The following SORCS1 variants were observed in gnomAD, a reference collection of about 807,000 sequenced individuals.
SORCS1 encodes the protein sortilin related VPS10 domain containing receptor 1.
In SORCS1, 60 loss-of-function variants were observed where a neutral mutation model predicts 146.1. The ratio of observed to expected loss-of-function variants is 0.41; its 90% CI spans 0.33 to 0.51. The LOEUF is 0.51. SORCS1 is among the 20% of genes least tolerant of loss of function. SORCS1 has a pLI of 0.21. For missense variants in SORCS1, 1,352 were observed against 1,487.6 expected (o/e 0.91, Z 1.50); for synonymous variants, 637 against 584.0 (o/e 1.09, Z -1.31).
chr10:106,839,374 TACA>T (rs1367182022), intron 2 of SORCS1, among the ~76,000 whole-genome samples: 2 of 152,192 alleles, frequency 1.3e-5, no homozygotes, highest in Non-Finnish European at 2.9e-5. Flanking sequence ...TCAAACCAGC[TACA>T]ACATTTCCTT....
intron 1 of SORCS1, among the ~76,000 whole-genome samples, chr10:107,041,475 G>A (rs1324936053): frequency 1.3e-5 from 2 of 152,008 alleles, no homozygotes; most frequent in Non-Finnish European, 2.9e-5. Context: ...ATCCAAGGGG[G>A]CCTGAAGCTA....
chr10:106,647,376 C>T (rs1413539541), intron 18 of SORCS1, among the ~76,000 whole-genome samples: 3 of 72,832 alleles, frequency 4.1e-5, no homozygotes, highest in Non-Finnish European at 1.0e-4. Context: ...TATTTTGATG[C>T]TATTATAAAT....
intron 1 of SORCS1, among the ~76,000 whole-genome samples, chr10:107,001,208 T>A (rs1174064536): frequency 6.6e-6 from 1 of 152,146 alleles, no homozygotes. Context: ...GAATTTAAGA[T>A]GTGTGACAGG....
At chr10:106,921,576 A>G (rs1042029353) in intron 2 of SORCS1, among the ~76,000 whole-genome samples, 1 of 152,218 alleles carries the variant, frequency 6.6e-6, no homozygotes, top group African/African-American at 2.4e-5. Flanking sequence ...AACAAATGTT[A>G]TTAAAAAGAA....
rs1473682426 is a variant in SORCS1 at position 106,576,567 on chromosome 10, C to T, written c.*853G>A. On this transcript the variant is annotated 3_prime_UTR_variant, in exon 26 of 26. Coordinates refer to ENST00000263054, the MANE Select transcript of SORCS1 (RefSeq NM_052918.5). Reference sequence around the variant, plus strand: ...GGCAATCATGGTGGAAAGAGGTGAACAGGAAACCAAGGTCCGTTTCTGACA... The same window carrying T: ...GGCAATCATGGTGGAAAGAGGTGAATAGGAAACCAAGGTCCGTTTCTGACA... 3 of 152,118 alleles carry T rather than the reference C, an allele frequency of 2.0e-5. No individual in the cohort carries two copies. The highest frequency in any genetic ancestry group is 6.6e-5 in the Admixed American group (1 of 15,266). The allele number at this position is 152,118 out of a possible 1,614,324, so 9.4% of individuals were successfully genotyped here. A position where few individuals can be genotyped will look rare whatever the true frequency, so the allele number is the denominator to read the frequency against.
chr10:106,876,664 A>T (rs1950598576), intron 2 of SORCS1, among the ~76,000 whole-genome samples: 1 of 152,228 alleles, frequency 6.6e-6, no homozygotes, highest in Non-Finnish European at 1.5e-5. Context: ...AGAGTCCATG[A>T]GCCTAATTTT....
chr10:107,149,681 A>G (rs1968613018), intron 1 of SORCS1, among the ~76,000 whole-genome samples: 1 of 152,214 alleles, frequency 6.6e-6, no homozygotes, highest in Non-Finnish European at 1.5e-5. Flanking sequence ...TTTATCTCTG[A>G]GAAAATCAGA....
chr10:106,892,087 G>C (rs1951259492), intron 2 of SORCS1, among the ~76,000 whole-genome samples: 1 of 152,180 alleles, frequency 6.6e-6, no homozygotes, highest in African/African-American at 2.4e-5. Flanking sequence ...ATGTCTCAGA[G>C]CAAAGGTTCC....
At chr10:106,716,837 AT>A (rs1326076061) in intron 6 of SORCS1, among the ~76,000 whole-genome samples, 4 of 152,130 alleles carry the variant, frequency 2.6e-5, no homozygotes, top group Middle Eastern at 3.4e-3. Context: ...TCTCTCTTAA[AT>A]TTTGCTTAAA....
intron 24 of SORCS1, among the ~76,000 whole-genome samples, chr10:106,585,327 C>T (rs941433943): frequency 2.0e-5 from 3 of 152,100 alleles, no homozygotes; most frequent in Non-Finnish European, 4.4e-5. Context: ...GAGAATACCG[C>T]ATAGCAGGCC....
intron 2 of SORCS1, among the ~76,000 whole-genome samples, chr10:106,887,735 T>C (rs1443933844): frequency 6.6e-6 from 1 of 152,232 alleles, no homozygotes. Flanking sequence ...TAAAAGGATC[T>C]AGTATTGAAG....
chr10:106,795,791 T>C (rs2136573805), intron 3 of SORCS1, among the ~76,000 whole-genome samples: 1 of 152,294 alleles, frequency 6.6e-6, no homozygotes, highest in Non-Finnish European at 1.5e-5. Context: ...TGGGTCAACC[T>C]CTAAGAGACA....
intron 1 of SORCS1, among the ~76,000 whole-genome samples, chr10:107,143,543 A>G (rs1487373785): frequency 6.6e-6 from 1 of 151,676 alleles, no homozygotes; most frequent in Non-Finnish European, 1.5e-5. Flanking sequence ...TCCCTCTGTC[A>G]CCCAGGCTGG....
intron 2 of SORCS1, among the ~76,000 whole-genome samples, chr10:106,915,709 G>T (rs1952387674): frequency 6.6e-6 from 1 of 152,180 alleles, no homozygotes; most frequent in African/African-American, 2.4e-5. Flanking sequence ...GAAAACTGAG[G>T]TTGTGTGGCT....
chr10:107,137,346 G>A (rs1007672396), intron 1 of SORCS1, among the ~76,000 whole-genome samples: 10 of 152,124 alleles, frequency 6.6e-5, no homozygotes, highest in African/African-American at 2.4e-4. Context: ...TGTCCTGGAT[G>A]TCAGCATATA....
At position 107,060,001 on chromosome 10, in the gene SORCS1, G is replaced by T. The variant is rs749721282; in HGVS notation, c.559-103421C>A. On this transcript the variant is annotated intron_variant, in intron 1 of 25. Transcript: ENST00000263054. The surrounding 1 kb of genome is among the most constrained non-coding windows in gnomAD (Gnocchi z 4.1). ...AGATTTGATTATTATGAGGGTCAAA[G>T]AATGCTTCTGACAGATGACACAGTG... is the stretch of plus-strand genomic sequence containing the variant. Among the ~76,000 whole-genome samples the T allele has an allele frequency of 6.6e-6, 1 of 152,086 alleles. No homozygotes were observed. The highest frequency in any genetic ancestry group is 1.5e-5 in the Non-Finnish European group (1 of 68,018).
chr10:106,894,966 C>T (rs191628509), intron 2 of SORCS1, among the ~76,000 whole-genome samples: 5 of 152,212 alleles, frequency 3.3e-5, no homozygotes, highest in African/African-American at 9.6e-5. Flanking sequence ...TTTGTAAGTA[C>T]CCCAACATAT....
At chr10:107,132,400 A>G (rs893042704) in intron 1 of SORCS1, among the ~76,000 whole-genome samples, 1 of 152,220 alleles carries the variant, frequency 6.6e-6, no homozygotes, top group African/African-American at 2.4e-5. Flanking sequence ...TTTACACAAC[A>G]TAGCACTTAA....
In SORCS1 at chr10:106,960,156, T is replaced by C. The variant is rs1955153050; in HGVS notation, c.559-3576A>G. On this transcript the variant is annotated intron_variant, in intron 1 of 25. Transcript: ENST00000263054. The surrounding 1 kb of genome is among the most constrained non-coding windows in gnomAD (Gnocchi z 4.4). The stretch of plus-strand genomic sequence containing the variant: ...TTCCTCTCTAAATCTTAGGATATTA[T>C]CTTTAAATAGCTATGACCCAAATTA... Among the ~76,000 whole-genome samples the C allele has an allele frequency of 6.6e-6, 1 of 152,192 alleles. No individual in the cohort carries two copies.
Sources: allele counts gnomAD v4.1 joint callset (sites outside exome capture counted in the v4.1 genomes callset), GRCh38; gene constraint gnomAD v4.1.1; non-coding constraint Gnocchi (gnomAD v3.1); transcripts MANE v1.5; gene names NCBI Gene and HGNC (gene_info 2026-07-23, HGNC 2026-07-21).